PDE1A: variants seen among roughly 807,000 people sequenced by gnomAD.
PDE1A encodes the protein dual specificity calcium/calmodulin-dependent 3',5'-cyclic nucleotide phosphodiesterase 1A.
PDE1A carries 35 observed loss-of-function variants against 61.7 expected under a neutral mutation model. That is an observed-to-expected ratio of 0.57 (90% CI 0.43 to 0.75). PDE1A has a LOEUF of 0.75. PDE1A is among the 30% of genes least tolerant of loss of function. The pLI is 0.00. For missense variants in PDE1A, 597 were observed against 630.6 expected, an observed-to-expected ratio of 0.95 and a Z score of 0.57; for synonymous variants, 232 against 213.2, an observed-to-expected ratio of 1.09 and a Z score of -0.77.
intron 13 of PDE1A, among the ~76,000 whole-genome samples, chr2:182,151,164 T>C (rs964445795): frequency 1.1e-4 from 16 of 152,192 alleles, no homozygotes; most frequent in African/African-American, 3.9e-4. Context: ...CTCAGCCCAT[T>C]GCAACCTCCG....
At chr2:182,431,369 G>A (rs1293677941), upstream of PDE1A, among the ~76,000 whole-genome samples, 2 of 152,066 alleles carry the variant, frequency 1.3e-5, no homozygotes, top group African/African-American at 4.8e-5. Flanking sequence ...GGCATTAAAT[G>A]CAAACACTAC....
chr2:182,461,902 T>C (rs1686312570), intron 2 of PDE1A, among the ~76,000 whole-genome samples: 1 of 152,150 alleles, frequency 6.6e-6, no homozygotes, highest in Non-Finnish European at 1.5e-5. Flanking sequence ...AAGAAAGATA[T>C]AAACTAGTTT....
intron 7 of PDE1A, 85 bp from the exon 8 acceptor site, chr2:182,206,150 T>C: frequency 9.3e-7 from 1 of 1,071,592 alleles, no homozygotes; most frequent in Non-Finnish European, 1.3e-6. Flanking sequence ...TATCAAGTCA[T>C]GTGACCAGAA....
chr2:182,161,724 T>C (rs1347621995), intron 13 of PDE1A, among the ~76,000 whole-genome samples: 1 of 152,020 alleles, frequency 6.6e-6, no homozygotes, highest in Admixed American at 6.6e-5. Context: ...ACTACTTGAG[T>C]GTTCTAACTG....
chr2:182,415,092 A>T (rs879565666), intron 1 of PDE1A, among the ~76,000 whole-genome samples: 121 of 152,106 alleles, frequency 8.0e-4, no homozygotes, highest in Non-Finnish European at 9.9e-4. Flanking sequence ...GAAGCATTTT[A>T]AAAAAAATTC....
At chr2:182,709,542 A>G in the PDE1A span, among the ~76,000 whole-genome samples, 2 of 152,244 alleles carry the variant, frequency 1.3e-5, no homozygotes, top group East Asian at 3.8e-4. Context: ...ATATATTGTG[A>G]TAAATGCAAT....
At chr2:182,690,405 G>A in the PDE1A span, among the ~76,000 whole-genome samples, 2 of 152,116 alleles carry the variant, frequency 1.3e-5, no homozygotes, top group African/African-American at 2.4e-5. Context: ...AATCCAGCAT[G>A]TAAATAGAAC....
At chr2:182,322,199 A>C (rs969366451) in intron 1 of PDE1A, among the ~76,000 whole-genome samples, 1 of 152,174 alleles carries the variant, frequency 6.6e-6, no homozygotes, top group Admixed American at 6.5e-5. Context: ...ATTGTATGAA[A>C]ATTTCTTAAT....
intron 1 of PDE1A, among the ~76,000 whole-genome samples, chr2:182,422,394 A>C (rs1179934558): frequency 6.6e-6 from 1 of 152,224 alleles, no homozygotes; most frequent in East Asian, 1.9e-4. Context: ...ATGCACATAT[A>C]ATAGAATTTG....
At chr2:182,660,443 A>G in the PDE1A span, among the ~76,000 whole-genome samples, 1 of 152,162 alleles carries the variant, frequency 6.6e-6, no homozygotes, top group Non-Finnish European at 1.5e-5. Flanking sequence ...GGGAGAACCT[A>G]TGAATATAAG....
chr2:182,440,297 C>G (rs139904998), intron 2 of PDE1A, among the ~76,000 whole-genome samples: 1,960 of 152,096 alleles, frequency 0.013, 26 homozygotes, highest in South Asian at 0.047. Context: ...GTACTCTGAG[C>G]CAGCTGACCC....
chr2:182,483,444 C>T (rs933558854), intron 2 of PDE1A, among the ~76,000 whole-genome samples: 2 of 151,766 alleles, frequency 1.3e-5, no homozygotes, highest in South Asian at 4.1e-4. Context: ...TTATTGAAAT[C>T]ATTCAGGTAT....
chr2:182,305,170 T>C (rs1040577167), intron 1 of PDE1A, among the ~76,000 whole-genome samples: 1 of 58,964 alleles, frequency 1.7e-5, no homozygotes, highest in Non-Finnish European at 3.5e-5. Flanking sequence ...TTAATGTTTG[T>C]TCGGATTACT....
At chr2:182,229,632 G>C (rs111798953) in intron 6 of PDE1A, among the ~76,000 whole-genome samples, 1 of 152,112 alleles carries the variant, frequency 6.6e-6, no homozygotes, top group Non-Finnish European at 1.5e-5. Context: ...AGCGACTAAG[G>C]TCAGGTTAGG....
chr2:182,559,202 T>C, the PDE1A span, among the ~76,000 whole-genome samples: 3 of 152,098 alleles, frequency 2.0e-5, no homozygotes, highest in Non-Finnish European at 4.4e-5. Context: ...AAAAACCTAA[T>C]GCAAAATCTC....
intron 10 of PDE1A, among the ~76,000 whole-genome samples, chr2:182,191,855 TTTA>T (rs1351424878): frequency 6.6e-6 from 1 of 151,088 alleles, no homozygotes; most frequent in Non-Finnish European, 1.5e-5. Context: ...TCTTTTTTTT[TTTA>T]TTTTTTTATT....
chr2:182,707,541 T>C, the PDE1A span, among the ~76,000 whole-genome samples: 1 of 146,368 alleles, frequency 6.8e-6, no homozygotes. Flanking sequence ...TTAGATGAAA[T>C]AGACAAATTT....
the PDE1A span, among the ~76,000 whole-genome samples, chr2:182,636,150 G>C: frequency 6.6e-6 from 1 of 151,604 alleles, no homozygotes; most frequent in Non-Finnish European, 1.5e-5. Context: ...AGTAGAGAAG[G>C]TGTTTCACCG....
chr2:182,448,524 G>A (rs368477409), intron 2 of PDE1A, among the ~76,000 whole-genome samples: 1 of 152,030 alleles, frequency 6.6e-6, no homozygotes, highest in Non-Finnish European at 1.5e-5. Flanking sequence ...ATTCTGCTGT[G>A]AAAATTGTGA....
Sources: gnomAD v4.1 joint callset for allele counts (sites outside exome capture counted in the v4.1 genomes callset) on GRCh38, gnomAD v4.1.1 for gene constraint, MANE v1.5 for transcripts, NCBI Gene and HGNC (gene_info 2026-07-23, HGNC 2026-07-21) for gene names.